SULT6B1: variants seen among roughly 807,000 people sequenced by gnomAD.
SULT6B1 encodes sulfotransferase 6B1.
In SULT6B1, 44 loss-of-function variants were observed where a neutral mutation model predicts 37.2. That is an observed-to-expected ratio of 1.18 (90% CI 0.93 to 1.52). The LOEUF is 1.52. SULT6B1 is among the 40% of genes most tolerant of loss of function. The pLI is 0.00. For synonymous variants in SULT6B1, 140 were observed against 126.0 expected (o/e 1.11, Z -0.74); for missense variants, 450 against 361.0 (o/e 1.25, Z -2.00).
intron 3 of SULT6B1, among the ~76,000 whole-genome samples, chr2:37,181,174 A>G (rs1262501806): frequency 6.6e-6 from 1 of 152,174 alleles, no homozygotes; most frequent in Admixed American, 6.5e-5. Context: ...TCTTGTACTT[A>G]GATCTAACAC....
At chr2:37,168,620 T>C (rs1676232009) in intron 6 of SULT6B1, among the ~76,000 whole-genome samples, 1 of 152,220 alleles carries the variant, frequency 6.6e-6, no homozygotes, top group Non-Finnish European at 1.5e-5. Flanking sequence ...TCCAAACACC[T>C]AGAACTTAAA....
At chr2:37,169,594 G>C (rs999012734) in intron 6 of SULT6B1, among the ~76,000 whole-genome samples, 1 of 152,056 alleles carries the variant, frequency 6.6e-6, no homozygotes, top group Non-Finnish European at 1.5e-5. Flanking sequence ...GGTTCAAGCA[G>C]TTCTCTGACT....
At chr2:37,189,474 A>C (rs1572467674), upstream of SULT6B1, among the ~76,000 whole-genome samples, 1 of 152,204 alleles carries the variant, frequency 6.6e-6, no homozygotes, top group East Asian at 1.9e-4. Context: ...CAAGTGCAAA[A>C]TGTTTAACCT....
chr2:37,179,426 A>G lies in SULT6B1; in HGVS notation c.529+32T>C, dbSNP rs760743428. On this transcript the variant is annotated intron_variant, in intron 4 of 6. Coordinates refer to ENST00000535679, the MANE Select transcript of SULT6B1 (RefSeq NM_001367551.1). ...TCACATTTATGTGGTCATCTGATCA[A>G]GTAAGAATAATTCTTTTACCAACAG... 6 of 1,611,648 alleles carry G rather than the reference A, an allele frequency of 3.7e-6. No individual in the cohort carries two copies. The South Asian group carries it at 6.6e-5, about 18-fold the overall frequency.
At chr2:37,188,325 C>A (rs746725279) in intron 1 of SULT6B1, 117 bp downstream of exon 1, 145 of 811,570 alleles carry the variant, frequency 1.8e-4, no homozygotes, top group Admixed American at 8.3e-4. Flanking sequence ...CTCCTCCTCA[C>A]TGATGCTCAG....
At chr2:37,190,880 C>T (rs1676767164), upstream of SULT6B1, among the ~76,000 whole-genome samples, 2 of 152,062 alleles carry the variant, frequency 1.3e-5, no homozygotes, top group African/African-American at 4.8e-5. Context: ...TCCCCCTAAG[C>T]ACAAGGATTC....
At chr2:37,191,562 C>G (rs768071026), upstream of SULT6B1, among the ~76,000 whole-genome samples, 6 of 152,144 alleles carry the variant, frequency 3.9e-5, no homozygotes. Context: ...TTTGGCAGAT[C>G]GCAAGTTCTT....
chr2:37,174,519 A>T (rs1284111004), intron 5 of SULT6B1, among the ~76,000 whole-genome samples: 2 of 151,950 alleles, frequency 1.3e-5, no homozygotes, highest in Admixed American at 6.6e-5. Flanking sequence ...TTTACACTGG[A>T]ATTTGTCCAA....
chr2:37,174,227 CTTTTT>C (rs35100458), intron 5 of SULT6B1, among the ~76,000 whole-genome samples: 3 of 58,478 alleles, frequency 5.1e-5, no homozygotes, highest in African/African-American at 1.3e-4. Flanking sequence ...TCTTCCTATT[CTTTTT>C]TTTTTTTTTT....
intron 5 of SULT6B1, among the ~76,000 whole-genome samples, chr2:37,172,497 G>C (rs1385090799): frequency 6.6e-6 from 1 of 151,904 alleles, no homozygotes. Context: ...AAACAGAAAG[G>C]GTCGATTAAA....
upstream of SULT6B1, among the ~76,000 whole-genome samples, chr2:37,188,955 T>C (rs1676730464): frequency 6.6e-6 from 1 of 152,168 alleles, no homozygotes; most frequent in Non-Finnish European, 1.5e-5. Flanking sequence ...AACAAATAGG[T>C]ATTTAATCAG....
rs28650470 is a variant in SULT6B1, at chr2:37,172,251, T to G, written c.625-661A>C. 3.5e-3 allele frequency among the ~76,000 whole-genome samples: 535 copies of G among 152,118 alleles called. 4 individuals carry two copies. The highest frequency in any genetic ancestry group is 0.012 in the African/African-American group (501 of 41,490). On this transcript the variant is annotated intron_variant, in intron 5 of 6. Transcript: ENST00000535679. Reference sequence around the variant, plus strand: ...TTTTTGTAGAGACAGGGTTTCGCCATGTTGCCCAGGCTGCTCTCAGAGTCT... The same window carrying G: ...TTTTTGTAGAGACAGGGTTTCGCCAGGTTGCCCAGGCTGCTCTCAGAGTCT...
chr2:37,188,586 T>C lies in SULT6B1; in HGVS notation c.55A>G (p.Lys19Glu). ...AATAAATGAGAGAGTGCAGTTTCTT[T>C]TGATTTTTCTAAAGCTTCGTCAATG... The part of the protein sequence containing the change: ...EYIDEALEKS[K>E]ETALSHLFFT... Residue 19 changes from lysine to glutamate, a missense_variant, in exon 1 of 7, where the codon AAA becomes GAA. Lys to Glu is a moderately conservative substitution (Grantham distance 56, BLOSUM62 1). Coordinates refer to ENST00000535679, the MANE Select transcript of SULT6B1 (RefSeq NM_001367551.1). The C allele has an allele frequency of 1.3e-6, 2 of 1,565,088 alleles. No individual in the cohort carries two copies. The highest frequency in any genetic ancestry group is 2.2e-5 in the South Asian group (2 of 90,036).
rs752605106 is a variant in SULT6B1, at chr2:37,175,189, C to G, written c.567G>C (p.Trp189Cys). ...CATTGTCGCCATCAAGATGTTTGTTCCAATTGATTGCAAAATCAAAATACC... is the reference window on the plus strand; with the variant it reads ...CATTGTCGCCATCAAGATGTTTGTTGCAATTGATTGCAAAATCAAAATACC... Reference protein sequence around the residue: ...WGRYFDFAINWNKHLDGDNVK... With the variant: ...WGRYFDFAINCNKHLDGDNVK... The change falls in exon 5 of 7, where the codon TGG becomes TGC. Residue 189 changes from tryptophan (W) to cysteine (C), a missense_variant. Physicochemically the swap from Trp to Cys is radical, Grantham distance 215. Transcript: ENST00000535679. 13 of 1,587,664 alleles carry G rather than the reference C, an allele frequency of 8.2e-6. No homozygotes were observed. The highest frequency in any genetic ancestry group is 8.6e-6 in the Non-Finnish European group (10 of 1,165,898).
upstream of SULT6B1, among the ~76,000 whole-genome samples, chr2:37,189,660 C>G (rs1229893554): frequency 6.6e-6 from 1 of 152,096 alleles, no homozygotes; most frequent in Admixed American, 6.6e-5. Flanking sequence ...TGTAGTGCCC[C>G]CAGAAGGTCA....
chr2:37,172,157 C>T (rs554247692), intron 5 of SULT6B1, among the ~76,000 whole-genome samples: 24 of 151,960 alleles, frequency 1.6e-4, no homozygotes, highest in Non-Finnish European at 3.2e-4. Flanking sequence ...CTCCAGCAAT[C>T]CTCACACCTC....
At chr2:37,187,171 G>C (rs911948190) in intron 2 of SULT6B1, among the ~76,000 whole-genome samples, 184 bp downstream of exon 2, 3 of 152,188 alleles carry the variant, frequency 2.0e-5, no homozygotes, top group African/African-American at 7.2e-5. Flanking sequence ...TTGTGAAATG[G>C]TAATAAGGTT....
upstream of SULT6B1, among the ~76,000 whole-genome samples, chr2:37,190,643 A>G (rs1676762870): frequency 6.6e-6 from 1 of 152,248 alleles, no homozygotes; most frequent in Non-Finnish European, 1.5e-5. Context: ...TCGGAGAGCC[A>G]GCAAACAGAG....
intron 4 of SULT6B1, among the ~76,000 whole-genome samples, chr2:37,177,963 A>G (rs1014988435): frequency 2.6e-5 from 4 of 152,174 alleles, no homozygotes; most frequent in Admixed American, 6.5e-5. Flanking sequence ...AAGAGCCACT[A>G]AAAAAAGGAA....
Sources: gnomAD v4.1 joint callset for allele counts (sites outside exome capture counted in the v4.1 genomes callset) on GRCh38, gnomAD v4.1.1 for gene constraint, MANE v1.5 for transcripts, NCBI Gene and HGNC (gene_info 2026-07-23, HGNC 2026-07-21) for gene names.